The following OXR1 variants were observed in gnomAD, a reference collection of about 807,000 sequenced individuals.
OXR1 encodes the protein oxidation resistance 1.
Under a neutral mutation model 104.6 loss-of-function variants are expected in OXR1, and 41 were observed. The ratio of observed to expected loss-of-function variants is 0.39; its 90% CI spans 0.31 to 0.51. The LOEUF (loss-of-function observed/expected upper bound fraction) is 0.51. Among genes scored for constraint, OXR1 ranks in the 20% least tolerant of loss-of-function variants. The probability of loss-of-function intolerance (pLI) is 0.77; values close to 1 mark genes in which losing one functional copy is unlikely to be tolerated. For missense variants in OXR1, 955 were observed against 1,031.9 expected (o/e 0.93, Z 1.02); for synonymous variants, 348 against 348.4 (o/e 1.00, Z 0.01).
At chr8:106,569,158 T>G (rs185535765) in intron 3 of OXR1, among the ~76,000 whole-genome samples, 6 of 152,234 alleles carry the variant, frequency 3.9e-5, no homozygotes, top group Admixed American at 6.5e-5. Flanking sequence ...AAAACTTAAT[T>G]TATTTCCTAC....
At chr8:106,513,847 A>G (rs773456950) in intron 2 of OXR1, among the ~76,000 whole-genome samples, 32 of 152,174 alleles carry the variant, frequency 2.1e-4, no homozygotes, top group Non-Finnish European at 3.7e-4. Flanking sequence ...GGTATATTTT[A>G]TACCCGTTTT....
intron 2 of OXR1, among the ~76,000 whole-genome samples, chr8:106,503,097 G>T (rs1188969415): frequency 6.6e-6 from 1 of 151,896 alleles, no homozygotes; most frequent in Non-Finnish European, 1.5e-5. Flanking sequence ...ACAGGGCATT[G>T]TACTCAATAA....
intron 2 of OXR1, among the ~76,000 whole-genome samples, chr8:106,407,005 G>C (rs1818269750): frequency 6.6e-6 from 1 of 152,020 alleles, no homozygotes. Flanking sequence ...TGGGAGCAGG[G>C]GGTATATGAA....
At chr8:106,371,174 C>T (rs1281141194) in intron 2 of OXR1, among the ~76,000 whole-genome samples, 3 of 151,876 alleles carry the variant, frequency 2.0e-5, no homozygotes, top group Non-Finnish European at 4.4e-5. Flanking sequence ...TCTAGATTTT[C>T]TAGTTTGTTT....
intron 2 of OXR1, among the ~76,000 whole-genome samples, chr8:106,363,758 T>G (rs1311782850): frequency 1.3e-5 from 2 of 152,148 alleles, no homozygotes; most frequent in African/African-American, 4.8e-5. Context: ...CCACTTTTCT[T>G]TTATACGATT....
At chr8:106,639,095 G>A (rs1216587645) in intron 3 of OXR1, among the ~76,000 whole-genome samples, 1 of 152,278 alleles carries the variant, frequency 6.6e-6, no homozygotes, top group East Asian at 1.9e-4. Context: ...TGGTCATTTT[G>A]AAGTTACTTT....
intron 2 of OXR1, among the ~76,000 whole-genome samples, chr8:106,506,666 A>G (rs1812188110): frequency 6.6e-6 from 1 of 152,170 alleles, no homozygotes; most frequent in African/African-American, 2.4e-5. Flanking sequence ...GAAATAGACT[A>G]CAATATCTAG....
At chr8:106,361,605 TA>T (rs1012606151) in intron 2 of OXR1, among the ~76,000 whole-genome samples, 9 of 152,214 alleles carry the variant, frequency 5.9e-5, no homozygotes, top group African/African-American at 2.2e-4. Flanking sequence ...GTTAACCTTC[TA>T]TTTTTTTTAT....
intron 1 of OXR1, among the ~76,000 whole-genome samples, chr8:106,290,633 G>A (rs1812707859): frequency 6.6e-6 from 1 of 151,942 alleles, no homozygotes; most frequent in East Asian, 1.9e-4. Context: ...AATGGGCAAG[G>A]GACATTCACA....
intron 2 of OXR1, among the ~76,000 whole-genome samples, chr8:106,435,075 G>T (rs1163600061): frequency 6.6e-6 from 1 of 152,154 alleles, no homozygotes; most frequent in African/African-American, 2.4e-5. Flanking sequence ...GTCAAGATAA[G>T]AGCTGAATGA....
intron 2 of OXR1, among the ~76,000 whole-genome samples, chr8:106,461,824 A>G (rs1201036500): frequency 6.6e-6 from 1 of 152,210 alleles, no homozygotes; most frequent in East Asian, 1.9e-4. Context: ...GAAATTACTC[A>G]TTAATGAGTG....
At chr8:106,616,218 ATTTTTTTTTTTT>A (rs372788802) in intron 3 of OXR1, among the ~76,000 whole-genome samples, 1 of 96,036 alleles carries the variant, frequency 1.0e-5, no homozygotes, top group Admixed American at 1.2e-4. Context: ...ATTTTTTGGA[ATTTTTTTTTTTT>A]TTTTTTTTTT....
chr8:106,609,172 G>A (rs1383807893), intron 3 of OXR1, among the ~76,000 whole-genome samples: 1 of 152,132 alleles, frequency 6.6e-6, no homozygotes, highest in African/African-American at 2.4e-5. Flanking sequence ...ACTTTGAGAG[G>A]CTGAGGGGAG....
intron 3 of OXR1, among the ~76,000 whole-genome samples, chr8:106,620,195 C>G (rs1467850463): frequency 6.6e-6 from 1 of 152,076 alleles, no homozygotes; most frequent in Admixed American, 6.6e-5. Context: ...ACTTTTCATA[C>G]CCTCTGCAGT....
intron 2 of OXR1, among the ~76,000 whole-genome samples, chr8:106,403,612 T>C (rs1818090495): frequency 6.6e-6 from 1 of 152,198 alleles, no homozygotes; most frequent in Non-Finnish European, 1.5e-5. Flanking sequence ...CATTCCAATC[T>C]CCTTGAGCCT....
intron 1 of OXR1, among the ~76,000 whole-genome samples, chr8:106,316,794 A>G (rs1463538558): frequency 2.6e-5 from 4 of 151,534 alleles, no homozygotes; most frequent in Admixed American, 2.6e-4. Flanking sequence ...AGAGAGAGGG[A>G]GAGAGAGATG....
At chr8:106,488,243 G>A (rs369348790) in intron 2 of OXR1, among the ~76,000 whole-genome samples, 8 of 134,234 alleles carry the variant, frequency 6.0e-5, no homozygotes, top group East Asian at 2.2e-4. Context: ...GTCTGTTCAT[G>A]TCCTTCGCCC....
rs140414694 is a variant in OXR1 at position 106,337,392 on chromosome 8, A to C, written c.-138-22084A>C. On this transcript the variant is annotated intron_variant, in intron 1 of 16. Transcript: ENST00000517566. ...GCCTGTAAATGCTTGACATTTTATGAGATATTTCATTTACTGTGTCACATT... is the reference window on the plus strand; with the variant it reads ...GCCTGTAAATGCTTGACATTTTATGCGATATTTCATTTACTGTGTCACATT... 2.4e-3 allele frequency among the ~76,000 whole-genome samples: 370 copies of C among 152,344 alleles called. 1 individual carries two copies. Among genetic ancestry groups the C allele is most frequent in the African/African-American group, 8.3e-3 (346 of 41,572 alleles).
chr8:106,525,573 T>C (rs1813601461), intron 3 of OXR1, among the ~76,000 whole-genome samples: 1 of 152,226 alleles, frequency 6.6e-6, no homozygotes, highest in African/African-American at 2.4e-5. Context: ...CCTCTTTTAT[T>C]ACTTATGCCA....
Sources: allele counts gnomAD v4.1 joint callset (sites outside exome capture counted in the v4.1 genomes callset), GRCh38; gene constraint gnomAD v4.1.1; transcripts MANE v1.5; gene names NCBI Gene and HGNC (gene_info 2026-07-23, HGNC 2026-07-21).